Variants in POC1B observed in about 807,000 individuals in gnomAD.
The protein encoded by POC1B is POC1 centriolar protein homolog B.
In POC1B, 44 loss-of-function variants were observed where a neutral mutation model predicts 60.6. The ratio of observed to expected loss-of-function variants is 0.73; its 90% CI spans 0.57 to 0.93. The LOEUF is 0.93. Among genes scored for constraint, POC1B ranks in the 40% least tolerant of loss-of-function variants. The probability of loss-of-function intolerance (pLI) is 0.00; values close to 1 mark genes in which losing one functional copy is unlikely to be tolerated. For synonymous variants in POC1B, 180 were observed against 198.9 expected (o/e 0.90, Z 0.80); for missense variants, 555 against 572.3 (o/e 0.97, Z 0.31).
chr12:89,465,954 T>G (rs925300937), intron 9 of POC1B, among the ~76,000 whole-genome samples: 2 of 152,170 alleles, frequency 1.3e-5, no homozygotes, highest in Non-Finnish European at 2.9e-5. Context: ...AAAGAAGTGA[T>G]GTGGCTGAGG....
At chr12:89,406,583 T>C in the POC1B span, among the ~76,000 whole-genome samples, 2 of 152,150 alleles carry the variant, frequency 1.3e-5, no homozygotes, top group African/African-American at 4.8e-5. Context: ...AATCCATCAC[T>C]GTATCTCCAT....
intron 10 of POC1B, among the ~76,000 whole-genome samples, chr12:89,450,111 G>T (rs1390916378): frequency 6.6e-6 from 1 of 151,900 alleles, no homozygotes; most frequent in Non-Finnish European, 1.5e-5. Context: ...TTTAAAAAAG[G>T]TAATGCAGCT....
At chr12:89,525,041 C>T in intron 2 of POC1B, 79 bp downstream of exon 2, 2 of 1,586,952 alleles carry the variant, frequency 1.3e-6, no homozygotes, top group Non-Finnish European at 1.7e-6. Context: ...CTCCTAGGGA[C>T]CCTGCCCGGA....
intron 2 of POC1B, among the ~76,000 whole-genome samples, chr12:89,505,695 T>C (rs556186039): frequency 1.1e-4 from 16 of 152,326 alleles, no homozygotes; most frequent in African/African-American, 2.9e-4. Context: ...TTTACAGTTA[T>C]ATGATTTGTG....
chr12:89,471,697 C>G lies in POC1B; in HGVS notation c.593G>C (p.Gly198Ala), dbSNP rs774149215. The G allele has an allele frequency of 1.9e-6, 3 of 1,608,480 alleles. No homozygotes were observed. Among genetic ancestry groups the G allele is most frequent in the Non-Finnish European group, 1.7e-6 (2 of 1,177,496 alleles). The change falls in exon 6 of 12, where the codon GGT becomes GCT. Residue 198 changes from glycine to alanine, a missense_variant. Transcript: ENST00000313546. ...AGAACCTGCTGAAGCTATGCATGTA[C>G]CACTAGGGTTAAAGTCCACAAAATT... ...FANFVDFNPS[G>A]TCIASAGSDQ...
chr12:89,508,523 G>T (rs1870016224), intron 2 of POC1B, among the ~76,000 whole-genome samples: 1 of 152,156 alleles, frequency 6.6e-6, no homozygotes, highest in African/African-American at 2.4e-5. Context: ...ATGTCTCTTT[G>T]TCCTAATAGT....
At chr12:89,419,339 G>A (rs1880434580), downstream of POC1B, among the ~76,000 whole-genome samples, 1 of 152,110 alleles carries the variant, frequency 6.6e-6, no homozygotes, top group Non-Finnish European at 1.5e-5. Context: ...AATAAATAAA[G>A]AGGGAAGTTA....
At position 89,488,263 on chromosome 12, in the gene POC1B, C is replaced by A. The variant is rs149545790; in HGVS notation, c.452+3673G>T. Among the ~76,000 whole-genome samples, 417 of 152,188 alleles carry A rather than the reference C, an allele frequency of 2.7e-3. 2 individuals carry two copies. The highest frequency in any genetic ancestry group is 8.3e-3 in the African/African-American group (345 of 41,526). On this transcript the variant is annotated intron_variant, in intron 4 of 11. Coordinates refer to ENST00000313546, the MANE Select transcript of POC1B (RefSeq NM_172240.3). ...CCTTCTTGTTATTAGAAAATGAAAACTATATCAGCCACCATCACTCCACTA... is the reference window on the plus strand; with the variant it reads ...CCTTCTTGTTATTAGAAAATGAAAAATATATCAGCCACCATCACTCCACTA...
At chr12:89,408,354 T>C in the POC1B span, among the ~76,000 whole-genome samples, 1 of 152,330 alleles carries the variant, frequency 6.6e-6, no homozygotes, top group South Asian at 2.1e-4. Context: ...ATGGTATTTC[T>C]AGTTCTAGTT....
At chr12:89,412,847 CTT>C in the POC1B span, among the ~76,000 whole-genome samples, 10 of 101,386 alleles carry the variant, frequency 9.9e-5, no homozygotes, top group African/African-American at 5.2e-4. Context: ...TCCTTCCTTC[CTT>C]TCCTTCCTCC....
intron 2 of POC1B, among the ~76,000 whole-genome samples, chr12:89,512,344 T>C (rs1592640465): frequency 6.6e-6 from 1 of 152,366 alleles, no homozygotes; most frequent in African/African-American, 2.4e-5. Context: ...TCTTTAGTAA[T>C]GACAAGCTGA....
chr12:89,436,538 AC>A (rs1441743446), intron 10 of POC1B, among the ~76,000 whole-genome samples: 1 of 151,944 alleles, frequency 6.6e-6, no homozygotes, highest in Non-Finnish European at 1.5e-5. Context: ...ACATGGCAAA[AC>A]CCCATCTCTA....
At position 89,472,280 on chromosome 12, in the gene POC1B, AAAG is replaced by A. The variant is rs1565739741; in HGVS notation, c.453-8_453-6del. 3 of 407,358 alleles carry A rather than the reference AAAG, an allele frequency of 7.4e-6. No homozygotes were observed. Among genetic ancestry groups the A allele is most frequent in the African/African-American group, 1.2e-4 (1 of 8,388 alleles). The allele number at this position is 407,358 out of a possible 1,614,324, so 25.2% of individuals were successfully genotyped here. A position where few individuals can be genotyped will look rare whatever the true frequency, so the allele number is the denominator to read the frequency against. The stretch of plus-strand genomic sequence containing the variant: ...AGTCTTCCATCGGGTGAAAATCTAG[AAAG>A]AAGAAGAAAGAAGATGTTTTATGTG... On this transcript the variant is annotated splice_polypyrimidine_tract_variant and splice_region_variant and intron_variant, in intron 4 of 11. Transcript: ENST00000313546.
At chr12:89,503,261 C>T (rs980464763) in intron 2 of POC1B, among the ~76,000 whole-genome samples, 19 of 149,432 alleles carry the variant, frequency 1.3e-4, no homozygotes, top group African/African-American at 3.9e-4. Context: ...ATTGCAGGCA[C>T]GCGCCGCCAC....
At chr12:89,524,954 G>A (rs962198335) in intron 2 of POC1B, 166 bp downstream of exon 2, 2 of 1,080,086 alleles carry the variant, frequency 1.9e-6, no homozygotes, top group East Asian at 2.6e-5. Flanking sequence ...GATGGCAGAG[G>A]GGGCCCTAGC....
intron 2 of POC1B, among the ~76,000 whole-genome samples, chr12:89,511,415 CAAA>C (rs796324772): frequency 6.7e-5 from 7 of 104,506 alleles, no homozygotes; most frequent in Admixed American, 1.0e-4. Flanking sequence ...GACTCTGTCT[CAAA>C]AAAAAAAAAA....
At chr12:89,492,446 TA>T (rs1869033246) in intron 3 of POC1B, among the ~76,000 whole-genome samples, 1 of 152,230 alleles carries the variant, frequency 6.6e-6, no homozygotes, top group Non-Finnish European at 1.5e-5. Flanking sequence ...TGATATGTGA[TA>T]AACGCTACTT....
intron 10 of POC1B, among the ~76,000 whole-genome samples, chr12:89,447,235 T>C (rs1049663283): frequency 1.3e-5 from 2 of 152,100 alleles, no homozygotes; most frequent in African/African-American, 4.8e-5. Flanking sequence ...AATGGTAACT[T>C]AAAAAAATAA....
At chr12:89,498,647 C>T (rs186445200) in intron 2 of POC1B, among the ~76,000 whole-genome samples, 27 of 152,148 alleles carry the variant, frequency 1.8e-4, no homozygotes, top group Non-Finnish European at 3.4e-4. Flanking sequence ...GCTTAGCACC[C>T]CCTTTTTAAA....
Sources: allele counts gnomAD v4.1 joint callset (sites outside exome capture counted in the v4.1 genomes callset), GRCh38; gene constraint gnomAD v4.1.1; transcripts MANE v1.5; gene names NCBI Gene and HGNC (gene_info 2026-07-23, HGNC 2026-07-21).